The following TECRL variants were observed in gnomAD, a reference collection of about 807,000 sequenced individuals.
The protein encoded by TECRL is trans-2,3-enoyl-CoA reductase-like.
TECRL carries 63 observed loss-of-function variants against 52.8 expected under a neutral mutation model. The observed-to-expected ratio is 1.19, with a 90% CI of 0.97 to 1.47. TECRL has a LOEUF of 1.47. TECRL is among the 40% of genes most tolerant of loss of function. The pLI, the probability that TECRL is intolerant of heterozygous loss-of-function variation, is 0.00. For synonymous variants in TECRL, 164 were observed against 141.9 expected (o/e 1.16, Z -1.10); for missense variants, 482 against 429.6 (o/e 1.12, Z -1.08).
At chr4:64,321,689 T>C (rs1053566648) in intron 4 of TECRL, among the ~76,000 whole-genome samples, 8 of 152,142 alleles carry the variant, frequency 5.3e-5, no homozygotes, top group Non-Finnish European at 7.4e-5. Flanking sequence ...TACCAAGTAT[T>C]TTCACTGCCT....
intron 6 of TECRL, among the ~76,000 whole-genome samples, chr4:64,307,754 T>C (rs1485877548): frequency 6.6e-6 from 1 of 152,148 alleles, no homozygotes; most frequent in Non-Finnish European, 1.5e-5. Flanking sequence ...AAGGATGATA[T>C]GTTACTCTTA....
At chr4:64,399,693 G>A (rs1466756370) in intron 1 of TECRL, among the ~76,000 whole-genome samples, 1 of 152,182 alleles carries the variant, frequency 6.6e-6, no homozygotes, top group African/African-American at 2.4e-5. Flanking sequence ...TACAGCTTGG[G>A]ATGCTGCTTC....
chr4:64,289,457 T>A (rs1198072845), intron 9 of TECRL, among the ~76,000 whole-genome samples: 1 of 152,158 alleles, frequency 6.6e-6, no homozygotes, highest in Non-Finnish European at 1.5e-5. Context: ...TTTACATATT[T>A]AAGTGATATT....
chr4:64,380,929 G>T (rs78541361), intron 1 of TECRL, among the ~76,000 whole-genome samples: 2,427 of 152,114 alleles, frequency 0.016, 29 homozygotes, highest in Middle Eastern at 0.024. Flanking sequence ...ATTTTGTAAA[G>T]AACGTCATTG....
chr4:64,325,111 G>T (rs934281787), intron 3 of TECRL, among the ~76,000 whole-genome samples: 1 of 152,072 alleles, frequency 6.6e-6, no homozygotes, highest in African/African-American at 2.4e-5. Flanking sequence ...AGATGGAGAA[G>T]GTCAACGTCA....
At chr4:64,350,583 T>C (rs1475685150) in intron 2 of TECRL, among the ~76,000 whole-genome samples, 1 of 152,166 alleles carries the variant, frequency 6.6e-6, no homozygotes, top group Non-Finnish European at 1.5e-5. Context: ...GATTAATATT[T>C]AAATAGGTGG....
At chr4:64,357,535 TTAATA>T (rs1244925645) in intron 2 of TECRL, among the ~76,000 whole-genome samples, 1 of 151,448 alleles carries the variant, frequency 6.6e-6, no homozygotes, top group African/African-American at 2.4e-5. Flanking sequence ...AACAAAGAAA[TTAATA>T]TAAGTTTATC....
chr4:64,398,361 T>C (rs1724109421), intron 1 of TECRL, among the ~76,000 whole-genome samples: 1 of 152,176 alleles, frequency 6.6e-6, no homozygotes, highest in Non-Finnish European at 1.5e-5. Context: ...GGGAAATGAA[T>C]CATGGGGTCA....
intron 1 of TECRL, among the ~76,000 whole-genome samples, chr4:64,382,279 T>G (rs1036398788): frequency 6.9e-6 from 1 of 144,530 alleles, no homozygotes; most frequent in African/African-American, 2.6e-5. Flanking sequence ...TATTATATAT[T>G]ATATTATATT....
intron 11 of TECRL, among the ~76,000 whole-genome samples, chr4:64,280,447 A>T (rs928291284): frequency 6.6e-6 from 1 of 152,154 alleles, no homozygotes; most frequent in Non-Finnish European, 1.5e-5. Flanking sequence ...GCCACAAAAT[A>T]TTCCCAAATA....
At chr4:64,304,995 TG>T (rs1394104849) in intron 7 of TECRL, 170 bp downstream of exon 7, 1 of 432,954 alleles carries the variant, frequency 2.3e-6, no homozygotes, top group Non-Finnish European at 4.2e-6. Flanking sequence ...TAAAAATATA[TG>T]AGTCAAATTG....
chr4:64,330,567 C>T (rs1718569888), intron 2 of TECRL, among the ~76,000 whole-genome samples: 1 of 151,982 alleles, frequency 6.6e-6, no homozygotes, highest in South Asian at 2.1e-4. Context: ...CTTTGGGAGG[C>T]CAAGACAGGA....
At chr4:64,363,994 T>A (rs1342215542) in intron 2 of TECRL, among the ~76,000 whole-genome samples, 3 of 151,968 alleles carry the variant, frequency 2.0e-5, no homozygotes, top group Non-Finnish European at 4.4e-5. Context: ...TAATCTAAGA[T>A]CAACCACGTA....
At chr4:64,281,669 TC>T in intron 9 of TECRL, 110 bp from the exon 10 acceptor site, 1 of 588,322 alleles carries the variant, frequency 1.7e-6, no homozygotes, top group Non-Finnish European at 2.9e-6. Context: ...ACATGAAATG[TC>T]ATCACGTATT....
At chr4:64,335,896 T>C (rs1719043006) in intron 2 of TECRL, among the ~76,000 whole-genome samples, 1 of 152,208 alleles carries the variant, frequency 6.6e-6, no homozygotes, top group Non-Finnish European at 1.5e-5. Context: ...AGCCTTTTGA[T>C]GTGCTGCTGG....
At chr4:64,403,328 A>G (rs1331528279) in intron 1 of TECRL, among the ~76,000 whole-genome samples, 2 of 151,980 alleles carry the variant, frequency 1.3e-5, no homozygotes, top group Non-Finnish European at 2.9e-5. Context: ...ATGGTTAACT[A>G]TACATGGATA....
intron 4 of TECRL, 49 bp from the exon 5 acceptor site, chr4:64,314,812 A>C: frequency 7.3e-7 from 1 of 1,368,438 alleles, no homozygotes; most frequent in Non-Finnish European, 1.0e-6. Flanking sequence ...AGATGTTTTT[A>C]AGGTTCATTT....
intron 8 of TECRL, among the ~76,000 whole-genome samples, chr4:64,292,971 C>T (rs992563801): frequency 7.2e-5 from 11 of 151,934 alleles, no homozygotes; most frequent in African/African-American, 1.9e-4. Context: ...CATTTTTATG[C>T]GCAGGCGTGG....
Position 64,319,317 on chromosome 4 carries a change from T to C in TECRL, c.435+3372A>G, listed in dbSNP as rs1377351852. Among the ~76,000 whole-genome samples the C allele has an allele frequency of 2.1e-5, 3 of 140,408 alleles. No homozygotes were observed. The East Asian group carries it at 6.5e-4, about 30-fold the overall frequency. 92.1% of individuals were successfully genotyped at this position (140,408 alleles called of 152,430 possible). A position where few individuals can be genotyped will look rare whatever the true frequency, so the allele number is the denominator to read the frequency against. ...TGAAATTTACAATAAAAATAGGGTATCATTACAGTGTAAAACATAAAACTA... is the reference window on the plus strand; with the variant it reads ...TGAAATTTACAATAAAAATAGGGTACCATTACAGTGTAAAACATAAAACTA... On this transcript the variant is annotated intron_variant, in intron 4 of 11. Transcript: ENST00000381210.
Sources: allele counts gnomAD v4.1 joint callset (sites outside exome capture counted in the v4.1 genomes callset), GRCh38; gene constraint gnomAD v4.1.1; transcripts MANE v1.5; gene names NCBI Gene and HGNC (gene_info 2026-07-23, HGNC 2026-07-21).